The following HDAC8 variants were observed in gnomAD, a reference collection of about 807,000 sequenced individuals.
HDAC8 encodes the protein histone deacetylase-like 1.
HDAC8 carries 1 observed loss-of-function variant against 32.2 expected under a neutral mutation model. The observed-to-expected ratio is 0.03, with a 90% CI of 0.01 to 0.15. The LOEUF (loss-of-function observed/expected upper bound fraction) is 0.15, where lower values mean the gene tolerates loss of function less well. Ranked by LOEUF, HDAC8 falls within the 10% of genes least tolerant of loss-of-function variation. HDAC8 has a pLI of 1.00. For synonymous variants in HDAC8, 108 were observed against 113.9 expected (o/e 0.95, Z 0.33); for missense variants, 117 against 300.0 (o/e 0.39, Z 4.51).
At chrX:72,484,813 T>A (rs782686903) in intron 7 of HDAC8, among the ~76,000 whole-genome samples, 10 of 112,190 alleles carry the variant, frequency 8.9e-5, no homozygotes, top group African/African-American at 3.2e-4. Flanking sequence ...AGTGTCCTTT[T>A]CTCTCAGAAT....
At chrX:72,563,539 C>T (rs2051659617) in intron 4 of HDAC8, among the ~76,000 whole-genome samples, 1 of 111,238 alleles carries the variant, frequency 9.0e-6, no homozygotes, top group South Asian at 3.8e-4. Context: ...AAGACCCTGT[C>T]TCATAAGTAA....
At chrX:72,438,393 C>T (rs5958793) in intron 9 of HDAC8, among the ~76,000 whole-genome samples, 3,777 of 111,618 alleles carry the variant, frequency 0.034, 151 homozygotes, top group African/African-American at 0.12. Context: ...GAGGAAAAAC[C>T]AGTGTAAAAA....
chrX:72,414,156 A>G (rs2046272717), intron 9 of HDAC8, among the ~76,000 whole-genome samples: 1 of 112,371 alleles, frequency 8.9e-6, no homozygotes, highest in South Asian at 3.7e-4. Flanking sequence ...ATAACCCCTT[A>G]CATTTGTTCA....
At chrX:72,542,580 T>A (rs782189402) in intron 4 of HDAC8, among the ~76,000 whole-genome samples, 1 of 111,933 alleles carries the variant, frequency 8.9e-6, no homozygotes, top group Non-Finnish European at 1.9e-5. Flanking sequence ...TTTCATGACA[T>A]AACTGGTCTC....
intron 4 of HDAC8, among the ~76,000 whole-genome samples, chrX:72,505,119 G>A (rs782533764): frequency 2.7e-5 from 3 of 109,353 alleles, no homozygotes; most frequent in Admixed American, 9.7e-5. Context: ...AGTTATAAGA[G>A]TTCTTTTTAT....
intron 4 of HDAC8, among the ~76,000 whole-genome samples, chrX:72,502,394 A>T (rs73498384): frequency 0.084 from 9,360 of 111,611 alleles, 890 homozygotes; most frequent in African/African-American, 0.28. Context: ...TTCTCACTCA[A>T]AAGTGGGAAC....
At chrX:72,356,434 C>T (rs1020320752) in intron 9 of HDAC8, among the ~76,000 whole-genome samples, 1 of 112,137 alleles carries the variant, frequency 8.9e-6, no homozygotes, top group Non-Finnish European at 1.9e-5. Flanking sequence ...AGGCATTTGG[C>T]TTTATCCCCG....
intron 9 of HDAC8, among the ~76,000 whole-genome samples, chrX:72,412,838 A>G (rs2046231618): frequency 8.9e-6 from 1 of 112,299 alleles, no homozygotes; most frequent in Admixed American, 9.4e-5. Context: ...GTCTTGAGGT[A>G]ACCCTGTACA....
At chrX:72,335,910 A>T (rs1555942316) in intron 10 of HDAC8, among the ~76,000 whole-genome samples, 1 of 89,417 alleles carries the variant, frequency 1.1e-5, no homozygotes, top group Non-Finnish European at 2.1e-5. Context: ...CACTGTCTCT[A>T]AAAAAAAAAA....
At chrX:72,400,308 A>G (rs1262610897) in intron 9 of HDAC8, among the ~76,000 whole-genome samples, 1 of 111,892 alleles carries the variant, frequency 8.9e-6, no homozygotes, top group Non-Finnish European at 1.9e-5. Flanking sequence ...TACCATCAGG[A>G]TCAATCTATC....
rs781860613 is a variant in HDAC8 at position 72,400,005 on chromosome X, T to C, written c.1006-48167A>G. 1.4e-4 allele frequency among the ~76,000 whole-genome samples: 16 copies of C among 111,747 alleles called. No homozygotes were observed. The South Asian group carries it at 5.7e-3, about 40-fold the overall frequency. ...TTCTCAGTTCTCATCTTACTTGATT[T>C]CTCAGCAGCATATGACACAGTTGGC... On this transcript the variant is annotated intron_variant, in intron 9 of 10. Transcript: ENST00000373573.
In HDAC8 at chrX:72,417,188, ACT is replaced by A. The variant is rs1392942388; in HGVS notation, c.1005+44814_1005+44815del. 8.1e-5 allele frequency among the ~76,000 whole-genome samples: 9 copies of A among 111,160 alleles called. No homozygotes were observed. In the South Asian group the frequency reaches 3.4e-3, roughly 42 times the overall value. ...GAACCAGAACAAGACAAGGATGCTT[ACT>A]CTCATCGCTCCTATTCAACGTCATA... On this transcript the variant is annotated intron_variant, in intron 9 of 10. Transcript: ENST00000373573.
chrX:72,463,426 C>T (rs997574305), intron 8 of HDAC8, among the ~76,000 whole-genome samples: 14 of 111,683 alleles, frequency 1.3e-4, no homozygotes, highest in African/African-American at 4.6e-4. Flanking sequence ...AGAATGCTAA[C>T]AGGCTTTTAA....
chrX:72,456,308 A>G (rs2047715212), intron 9 of HDAC8, among the ~76,000 whole-genome samples: 1 of 112,198 alleles, frequency 8.9e-6, no homozygotes, highest in Non-Finnish European at 1.9e-5. Flanking sequence ...TAAATATTTT[A>G]AAAACTAAAA....
At chrX:72,354,098 C>G (rs1172198628) in intron 9 of HDAC8, among the ~76,000 whole-genome samples, 3 of 112,291 alleles carry the variant, frequency 2.7e-5, no homozygotes, top group Non-Finnish European at 5.6e-5. Context: ...TGACAGAACT[C>G]AATTCTACTG....
intron 4 of HDAC8, among the ~76,000 whole-genome samples, chrX:72,540,480 G>A (rs1219076771): frequency 2.7e-5 from 3 of 110,778 alleles, no homozygotes; most frequent in African/African-American, 6.6e-5. Context: ...TTCATTAAGC[G>A]GAGAACATAC....
rs138926941 is a variant in HDAC8 at position 72,556,226 on chromosome X, C to T, written c.437+11663G>A. Among the ~76,000 whole-genome samples, 403 of 111,862 alleles carry T rather than the reference C, an allele frequency of 3.6e-3. 1 individual carries two copies. The highest frequency in any genetic ancestry group is 0.012 in the African/African-American group (380 of 30,759). On this transcript the variant is annotated intron_variant, in intron 4 of 10. Coordinates refer to ENST00000373573, the MANE Select transcript of HDAC8 (RefSeq NM_018486.3). ...GCTGAGAGAATTTGCCACTACAAAG[C>T]CAGCACTACAAGAATTGCTAAAAAT...
At chrX:72,504,991 T>C (rs989096956) in intron 4 of HDAC8, among the ~76,000 whole-genome samples, 8 of 111,807 alleles carry the variant, frequency 7.2e-5, no homozygotes, top group Non-Finnish European at 3.8e-5. Flanking sequence ...GAGCTTGTTG[T>C]CCATTTGTAG....
intron 9 of HDAC8, among the ~76,000 whole-genome samples, chrX:72,441,471 A>G (rs1945586624): frequency 8.9e-6 from 1 of 112,432 alleles, no homozygotes; most frequent in East Asian, 2.8e-4. Context: ...CCTGCAGCTG[A>G]GGGTCCTGTC....
Sources: gnomAD v4.1 joint callset for allele counts (sites outside exome capture counted in the v4.1 genomes callset) on GRCh38, gnomAD v4.1.1 for gene constraint, MANE v1.5 for transcripts, NCBI Gene and HGNC (gene_info 2026-07-23, HGNC 2026-07-21) for gene names.